Variants in TRAK1 observed in about 807,000 individuals in gnomAD.
TRAK1 encodes trafficking kinesin-binding protein 1.
A neutral mutation model predicts 92.1 loss-of-function variants in TRAK1; 33 were observed. The ratio of observed to expected loss-of-function variants is 0.36; its 90% CI spans 0.27 to 0.48. The LOEUF is 0.48. Among genes scored for constraint, TRAK1 ranks in the 20% least tolerant of loss-of-function variants. The pLI is 0.99. For synonymous variants in TRAK1, 521 were observed against 517.3 expected (o/e 1.01, Z -0.10); for missense variants, 1,123 against 1,257.9 (o/e 0.89, Z 1.62).
intron 1 of TRAK1, among the ~76,000 whole-genome samples, chr3:42,042,216 C>T (rs1482538983): frequency 1.3e-5 from 2 of 152,034 alleles, no homozygotes; most frequent in African/African-American, 4.8e-5. Flanking sequence ...CGTGAGCCAT[C>T]GAGCTCGGCC....
intron 1 of TRAK1, among the ~76,000 whole-genome samples, chr3:42,017,229 C>G (rs1701560592): frequency 6.6e-6 from 1 of 152,134 alleles, no homozygotes; most frequent in Admixed American, 6.6e-5. Flanking sequence ...CCATTGCACT[C>G]CTGCCTGGGC....
upstream of TRAK1, among the ~76,000 whole-genome samples, chr3:42,084,640 C>T (rs1704588800): frequency 6.6e-6 from 1 of 152,104 alleles, no homozygotes; most frequent in Admixed American, 6.6e-5. Flanking sequence ...GACCCTTGAC[C>T]ATCATTGGTG....
At chr3:42,098,250 G>A (rs1352310146) in intron 1 of TRAK1, among the ~76,000 whole-genome samples, 1 of 151,928 alleles carries the variant, frequency 6.6e-6, no homozygotes, top group African/African-American at 2.4e-5. Context: ...ATACAGCTGA[G>A]GTGGATCTAG....
chr3:42,117,167 A>T (rs1051749756), intron 1 of TRAK1, among the ~76,000 whole-genome samples: 1 of 152,096 alleles, frequency 6.6e-6, no homozygotes, highest in Non-Finnish European at 1.5e-5. Flanking sequence ...CGCTCAGAGA[A>T]ATTTAGGGTA....
chr3:42,206,024 T>A (rs1708297672), intron 13 of TRAK1, among the ~76,000 whole-genome samples: 1 of 152,204 alleles, frequency 6.6e-6, no homozygotes, highest in Non-Finnish European at 1.5e-5. Flanking sequence ...TAGCTCATAT[T>A]ACAGTGTTTG....
intron 1 of TRAK1, among the ~76,000 whole-genome samples, chr3:42,072,017 T>C (rs893515366): frequency 3.9e-5 from 6 of 152,218 alleles, no homozygotes; most frequent in African/African-American, 1.4e-4. Flanking sequence ...GATTTTCTGA[T>C]TGGACGTTAC....
At chr3:42,018,696 A>G (rs1701618656) in intron 1 of TRAK1, among the ~76,000 whole-genome samples, 1 of 152,204 alleles carries the variant, frequency 6.6e-6, no homozygotes, top group Non-Finnish European at 1.5e-5. Flanking sequence ...CTTAATGACT[A>G]GAATTAGTTA....
At chr3:42,083,455 C>G (rs946174488), upstream of TRAK1, among the ~76,000 whole-genome samples, 1 of 152,206 alleles carries the variant, frequency 6.6e-6, no homozygotes, top group Admixed American at 6.5e-5. Context: ...GAGGTGTCAT[C>G]AGCAGACTTG....
chr3:42,180,669 A>G (rs2149378445), intron 3 of TRAK1, among the ~76,000 whole-genome samples: 1 of 132,962 alleles, frequency 7.5e-6, no homozygotes, highest in South Asian at 2.4e-4. Context: ...ATAGAGTGAG[A>G]CCTGTCTCAA....
intron 2 of TRAK1, among the ~76,000 whole-genome samples, chr3:42,161,518 G>A (rs1701270166): frequency 6.6e-6 from 1 of 151,886 alleles, no homozygotes; most frequent in Non-Finnish European, 1.5e-5. Flanking sequence ...TGAGTAGCAG[G>A]GCCCACAGGC....
intron 15 of TRAK1, among the ~76,000 whole-genome samples, 192 bp downstream of exon 15, chr3:42,219,788 T>TTTTTTTTTTTTTTTTTTTTTTTTTTG (rs1710144871): frequency 2.1e-5 from 1 of 46,516 alleles, no homozygotes; most frequent in African/African-American, 1.5e-4. Flanking sequence ...TGTTATGTGT[T>TTTTTTTTTTTTTTTTTTTTTTTTTTG]TTTTTTTTTT....
At chr3:42,151,092 G>A (rs528841398) in intron 2 of TRAK1, among the ~76,000 whole-genome samples, 2 of 152,286 alleles carry the variant, frequency 1.3e-5, no homozygotes, top group East Asian at 3.9e-4. Context: ...ATTGGATTAG[G>A]GAGCACTGGT....
intron 2 of TRAK1, among the ~76,000 whole-genome samples, chr3:42,174,251 T>G (rs1254521143): frequency 2.0e-5 from 3 of 152,132 alleles, no homozygotes; most frequent in Non-Finnish European, 2.9e-5. Context: ...TAAAATATTT[T>G]AAAGCTTTAT....
intron 1 of TRAK1, among the ~76,000 whole-genome samples, chr3:42,108,047 T>C (rs970510468): frequency 2.6e-5 from 4 of 152,188 alleles, no homozygotes; most frequent in Non-Finnish European, 5.9e-5. Context: ...TTTTATCTCA[T>C]TGGCCAACAC....
At chr3:42,210,888 G>A in intron 14 of TRAK1, 1 of 985,286 alleles carries the variant, frequency 1.0e-6, no homozygotes, top group Non-Finnish European at 1.2e-6. Context: ...TGAGTTTACA[G>A]AATTACCCAC....
intron 1 of TRAK1, among the ~76,000 whole-genome samples, chr3:42,111,778 G>A (rs899730648): frequency 1.2e-4 from 19 of 152,032 alleles, no homozygotes; most frequent in African/African-American, 4.6e-4. Context: ...AAAATTACAC[G>A]AAGATCATTC....
chr3:42,178,405 C>T (rs1254664044), intron 3 of TRAK1, among the ~76,000 whole-genome samples: 1 of 152,098 alleles, frequency 6.6e-6, no homozygotes, highest in Non-Finnish European at 1.5e-5. Context: ...GGGGACATGG[C>T]TCCTGCTCTC....
intron 1 of TRAK1, 33 bp downstream of exon 1, chr3:42,091,593 G>C (rs1458877851): frequency 6.3e-7 from 1 of 1,596,368 alleles, no homozygotes; most frequent in Non-Finnish European, 8.5e-7. Context: ...TCTGCTGTCT[G>C]TTTTCTTTGT....
At chr3:42,218,837 G>C in intron 14 of TRAK1, 1 of 985,410 alleles carries the variant, frequency 1.0e-6, no homozygotes, top group Middle Eastern at 5.2e-4. Flanking sequence ...ACACTGCTGT[G>C]TGTCAGACCA....
Sources: allele counts gnomAD v4.1 joint callset (sites outside exome capture counted in the v4.1 genomes callset), GRCh38; gene constraint gnomAD v4.1.1; transcripts MANE v1.5; gene names NCBI Gene and HGNC (gene_info 2026-07-23, HGNC 2026-07-21).